RALY: variants seen among roughly 807,000 people sequenced by gnomAD.
RALY encodes the protein RNA-binding protein Raly.
Under a neutral mutation model 30.7 loss-of-function variants are expected in RALY, and 15 were observed. That is an observed-to-expected ratio of 0.49 (90% CI 0.33 to 0.75). The LOEUF is 0.75. Ranked by LOEUF, RALY falls within the 30% of genes least tolerant of loss-of-function variation. The pLI is 0.02. For missense variants in RALY, 339 were observed against 414.3 expected, an observed-to-expected ratio of 0.82 and a Z score of 1.58; for synonymous variants, 177 against 170.8, an observed-to-expected ratio of 1.04 and a Z score of -0.28.
chr20:34,022,176 G>A (rs2031853871), intron 1 of RALY, among the ~76,000 whole-genome samples: 1 of 149,398 alleles, frequency 6.7e-6, no homozygotes. Context: ...GTGGTCTCCT[G>A]TCTCGGCCTG....
intron 2 of RALY, among the ~76,000 whole-genome samples, chr20:34,038,129 C>T (rs2268083): frequency 0.047 from 7,119 of 152,274 alleles, 232 homozygotes; most frequent in South Asian, 0.096. Context: ...TATGAGGTCC[C>T]GGGTTCCCCT....
chr20:34,066,953 A>G (rs1412100237), intron 2 of RALY, among the ~76,000 whole-genome samples: 1 of 152,198 alleles, frequency 6.6e-6, no homozygotes, highest in Admixed American at 6.5e-5. Context: ...GGCTGACTCA[A>G]GGTAACATAA....
At chr20:33,994,567 A>C (rs1419902834) in intron 1 of RALY, among the ~76,000 whole-genome samples, 2 of 152,190 alleles carry the variant, frequency 1.3e-5, no homozygotes, top group Non-Finnish European at 2.9e-5. Flanking sequence ...CCTAACCCGG[A>C]CTGGGTCTAC....
intron 2 of RALY, among the ~76,000 whole-genome samples, chr20:34,071,521 C>T (rs2033727249): frequency 6.6e-6 from 1 of 152,066 alleles, no homozygotes; most frequent in Non-Finnish European, 1.5e-5. Context: ...TTAGGTGATG[C>T]ACCCGTCTCG....
intron 2 of RALY, among the ~76,000 whole-genome samples, chr20:34,068,451 T>A (rs1301770857): frequency 2.0e-5 from 3 of 152,176 alleles, no homozygotes; most frequent in Non-Finnish European, 4.4e-5. Flanking sequence ...TCCTAACCAC[T>A]TAAGGCAGCC....
chr20:34,026,601 G>T (rs989408928), intron 1 of RALY, among the ~76,000 whole-genome samples: 11 of 151,008 alleles, frequency 7.3e-5, no homozygotes, highest in African/African-American at 2.4e-4. Flanking sequence ...TAGTAGAGAC[G>T]GGGTTTCACC....
chr20:34,045,508 G>A (rs1397042775), intron 2 of RALY, among the ~76,000 whole-genome samples: 1 of 152,128 alleles, frequency 6.6e-6, no homozygotes, highest in African/African-American at 2.4e-5. Flanking sequence ...CAGAACATAG[G>A]GCCCCGAGGT....
At chr20:34,014,066 G>A (rs1389469368) in intron 1 of RALY, among the ~76,000 whole-genome samples, 1 of 152,172 alleles carries the variant, frequency 6.6e-6, no homozygotes, top group Non-Finnish European at 1.5e-5. Context: ...TTAATATTAA[G>A]TGTTTTTTGT....
rs545876504 is a variant in RALY at position 34,015,327 on chromosome 20, AT to A, written c.-92-16192del. On this transcript the variant is annotated intron_variant, in intron 1 of 9. Transcript: ENST00000246194. Reference sequence around the variant, plus strand: ...CTTTTATTTTTTGTTTCTTCTCAATATTTCCCCCTTTTTTTTTAAATCTCCC... The same window carrying A: ...CTTTTATTTTTTGTTTCTTCTCAATATTCCCCCTTTTTTTTTAAATCTCCC... 2.5e-4 allele frequency among the ~76,000 whole-genome samples: 37 copies of A among 150,542 alleles called. 1 individual carries two copies. Among genetic ancestry groups the A allele is most frequent in the African/African-American group, 7.4e-4 (30 of 40,806 alleles).
chr20:34,053,740 T>C (rs2033154798), intron 2 of RALY, among the ~76,000 whole-genome samples: 1 of 152,158 alleles, frequency 6.6e-6, no homozygotes, highest in Non-Finnish European at 1.5e-5. Context: ...TTCTCAGGGA[T>C]TAACTTATGG....
chr20:34,061,627 A>T (rs971392508), intron 2 of RALY, among the ~76,000 whole-genome samples: 1 of 152,200 alleles, frequency 6.6e-6, no homozygotes, highest in Admixed American at 6.5e-5. Flanking sequence ...TGAGATTAAT[A>T]ATACCTGCCT....
intron 2 of RALY, among the ~76,000 whole-genome samples, chr20:34,040,796 T>C (rs6120489): frequency 0.012 from 1,775 of 152,300 alleles, 37 homozygotes; most frequent in African/African-American, 0.041. Flanking sequence ...AAGCCACATA[T>C]CTAGTCTCTG....
Position 33,993,994 on chromosome 20 carries a change from GCGACGA to G in RALY, c.-222_-217del, listed in dbSNP as rs914112688. On this transcript the variant is annotated 5_prime_UTR_variant, in exon 1 of 10. Transcript: ENST00000246194. ...TGAGGGGGCGGTAGCGGCGGCGACG[GCGACGA>G]CGACGACTCCCGCGCGTGTGCCCAG... The G allele has an allele frequency of 1.3e-5, 2 of 151,896 alleles. No individual in the cohort carries two copies. Among genetic ancestry groups the G allele is most frequent in the African/African-American group, 2.4e-5 (1 of 41,404 alleles). The allele number at this position is 151,896 out of a possible 1,614,324, so 9.4% of individuals were successfully genotyped here.
intron 8 of RALY, 176 bp downstream of exon 8, chr20:34,077,421 A>G: frequency 1.4e-6 from 2 of 1,405,588 alleles, no homozygotes; most frequent in Non-Finnish European, 1.9e-6. Context: ...GCACTTGCCT[A>G]TCTCAGACAC....
chr20:34,038,283 G>A (rs1601452819), intron 2 of RALY, among the ~76,000 whole-genome samples: 1 of 152,292 alleles, frequency 6.6e-6, no homozygotes, highest in Admixed American at 6.5e-5. Flanking sequence ...TTTGGCTGTG[G>A]CAGTGAGACA....
intron 5 of RALY, among the ~76,000 whole-genome samples, chr20:34,075,459 C>T (rs1470395105): frequency 1.3e-5 from 2 of 152,016 alleles, no homozygotes; most frequent in Non-Finnish European, 2.9e-5. Context: ...TCCCATACCT[C>T]TCTATTCCTA....
intron 1 of RALY, among the ~76,000 whole-genome samples, chr20:34,000,635 G>C (rs1389989880): frequency 6.6e-6 from 1 of 152,202 alleles, no homozygotes; most frequent in Non-Finnish European, 1.5e-5. Flanking sequence ...ATCTCCAGAA[G>C]AGCCATTTAA....
chr20:34,022,457 T>G (rs1235302165), intron 1 of RALY, among the ~76,000 whole-genome samples: 1 of 152,160 alleles, frequency 6.6e-6, no homozygotes, highest in Non-Finnish European at 1.5e-5. Context: ...CCTCCATAAC[T>G]GTTGACACTT....
At chr20:34,074,600 A>G (rs2033823143) in intron 5 of RALY, among the ~76,000 whole-genome samples, 2 of 144,302 alleles carry the variant, frequency 1.4e-5, no homozygotes, top group Middle Eastern at 3.5e-3. Context: ...GGTGTAGTGG[A>G]AAGTGTCTTA....
Sources: gnomAD v4.1 joint callset for allele counts (sites outside exome capture counted in the v4.1 genomes callset) on GRCh38, gnomAD v4.1.1 for gene constraint, MANE v1.5 for transcripts, NCBI Gene and HGNC (gene_info 2026-07-23, HGNC 2026-07-21) for gene names.